The following SLC41A2 variants were observed in gnomAD, a reference collection of about 807,000 sequenced individuals.
SLC41A2 encodes solute carrier family 41 member 2.
A neutral mutation model predicts 58.3 loss-of-function variants in SLC41A2; 32 were observed. The observed-to-expected ratio is 0.55, with a 90% CI of 0.41 to 0.74. The LOEUF is 0.74. Among genes scored for constraint, SLC41A2 ranks in the 30% least tolerant of loss-of-function variants. The pLI is 0.00. For missense variants in SLC41A2, 514 were observed against 680.6 expected, an observed-to-expected ratio of 0.76 and a Z score of 2.72; for synonymous variants, 190 against 235.0, an observed-to-expected ratio of 0.81 and a Z score of 1.75.
chr12:104,944,699 T>C (rs2047642807), intron 1 of SLC41A2, among the ~76,000 whole-genome samples: 1 of 152,130 alleles, frequency 6.6e-6, no homozygotes, highest in South Asian at 2.1e-4. Context: ...AAAACTATTC[T>C]CAAAACCACC....
intron 6 of SLC41A2, among the ~76,000 whole-genome samples, chr12:104,882,494 G>T (rs2044430144): frequency 6.6e-6 from 1 of 152,116 alleles, no homozygotes; most frequent in African/African-American, 2.4e-5. Flanking sequence ...TCCTTCAGGA[G>T]CTCTTTTAGG....
intron 2 of SLC41A2, among the ~76,000 whole-genome samples, chr12:104,910,876 A>C (rs1005869218): frequency 2.0e-5 from 3 of 152,208 alleles, no homozygotes; most frequent in Admixed American, 2.0e-4. Flanking sequence ...ATTCTGTAGC[A>C]AAACTTTTTC....
Position 104,861,381 on chromosome 12 carries a change from T to C in SLC41A2, c.1176-11A>G, listed in dbSNP as rs751029603. ...ATAAGGCCCCCAATGCTGAAAGAGA[T>C]AAAATTATATAATTTAGAGAAGAGG... is the stretch of plus-strand genomic sequence containing the variant. On this transcript the variant is annotated splice_polypyrimidine_tract_variant and intron_variant, in intron 7 of 10. Coordinates refer to ENST00000258538, the MANE Select transcript of SLC41A2 (RefSeq NM_001352171.3). 1.3e-6 allele frequency: 2 copies of C among 1,590,768 alleles called. No homozygotes were observed. The highest frequency in any genetic ancestry group is 1.7e-6 in the Non-Finnish European group (2 of 1,160,134).
intron 6 of SLC41A2, among the ~76,000 whole-genome samples, chr12:104,878,257 G>C (rs1467585822): frequency 6.8e-6 from 1 of 147,294 alleles, no homozygotes; most frequent in Non-Finnish European, 1.5e-5. Context: ...ATGACTTAAT[G>C]GTAATTTAAA....
chr12:104,862,854 T>C (rs1478888206), intron 7 of SLC41A2, among the ~76,000 whole-genome samples: 5 of 152,266 alleles, frequency 3.3e-5, no homozygotes, highest in African/African-American at 1.2e-4. Context: ...TTGAGCTAAT[T>C]AACTTATGCA....
At chr12:104,861,835 G>C (rs1280540755) in intron 7 of SLC41A2, among the ~76,000 whole-genome samples, 1 of 152,048 alleles carries the variant, frequency 6.6e-6, no homozygotes, top group East Asian at 1.9e-4. Context: ...GCATAAAAGA[G>C]GTTATTTTTA....
chr12:104,940,934 C>CAAA (rs386377636), intron 1 of SLC41A2, among the ~76,000 whole-genome samples: 13 of 95,452 alleles, frequency 1.4e-4, no homozygotes, highest in Admixed American at 3.5e-4. Context: ...GACTCTGCCT[C>CAAA]AAAAAAAAAA....
chr12:104,918,846 A>G (rs1479519646), intron 2 of SLC41A2, among the ~76,000 whole-genome samples: 1 of 152,120 alleles, frequency 6.6e-6, no homozygotes, highest in East Asian at 1.9e-4. Context: ...ATACAGAGAG[A>G]TCCCATGTAA....
At chr12:104,816,810 C>T (rs532785054) in intron 10 of SLC41A2, among the ~76,000 whole-genome samples, 2 of 152,150 alleles carry the variant, frequency 1.3e-5, no homozygotes, top group Non-Finnish European at 2.9e-5. Context: ...AAATTGAGGA[C>T]AGTTGTCCCT....
chr12:104,859,472 GTGT>G (rs1461091704), intron 8 of SLC41A2, among the ~76,000 whole-genome samples: 80 of 152,246 alleles, frequency 5.3e-4, no homozygotes, highest in Non-Finnish European at 9.4e-4. Context: ...CAAGTGAACT[GTGT>G]TAAAGGGCAA....
At chr12:104,954,651 T>G (rs1191744580) in intron 1 of SLC41A2, among the ~76,000 whole-genome samples, 2 of 152,250 alleles carry the variant, frequency 1.3e-5, no homozygotes, top group Admixed American at 6.5e-5. Context: ...AAAACACATT[T>G]TGGGTTATAA....
chr12:104,864,046 C>T (rs1014228974), intron 7 of SLC41A2, among the ~76,000 whole-genome samples: 17 of 151,770 alleles, frequency 1.1e-4, no homozygotes, highest in Admixed American at 1.1e-3. Flanking sequence ...TGATGTACAG[C>T]TGTCATCCTG....
intron 2 of SLC41A2, among the ~76,000 whole-genome samples, chr12:104,917,371 T>C (rs2046373980): frequency 6.6e-6 from 1 of 152,202 alleles, no homozygotes; most frequent in Non-Finnish European, 1.5e-5. Context: ...TTTTACACTG[T>C]TGGTGGGACT....
At chr12:104,863,656 G>A (rs1351372175) in intron 7 of SLC41A2, among the ~76,000 whole-genome samples, 1 of 151,966 alleles carries the variant, frequency 6.6e-6, no homozygotes. Flanking sequence ...GGCAGATGAG[G>A]ATTTGACCTC....
intron 10 of SLC41A2, among the ~76,000 whole-genome samples, chr12:104,826,198 A>C (rs1407796403): frequency 6.6e-6 from 1 of 152,076 alleles, no homozygotes; most frequent in African/African-American, 2.4e-5. Flanking sequence ...GACTGCTTTG[A>C]CCCTCATAAT....
intron 2 of SLC41A2, among the ~76,000 whole-genome samples, chr12:104,920,691 G>A (rs578210598): frequency 3.2e-4 from 48 of 152,120 alleles, no homozygotes; most frequent in Middle Eastern, 3.4e-3. Flanking sequence ...TTGGGAGGCC[G>A]AGGCAGGCGG....
At chr12:104,827,730 A>G (rs1464652121) in intron 10 of SLC41A2, among the ~76,000 whole-genome samples, 1 of 152,132 alleles carries the variant, frequency 6.6e-6, no homozygotes, top group Non-Finnish European at 1.5e-5. Flanking sequence ...TGCTAGGAAC[A>G]CTTAGATAGA....
Position 104,843,604 on chromosome 12 carries a change from A to C in SLC41A2, c.1536+868T>G, listed in dbSNP as rs1327795492. Among the ~76,000 whole-genome samples, 4 of 152,132 alleles carry C rather than the reference A, an allele frequency of 2.6e-5. No individual in the cohort carries two copies. In the East Asian group the frequency reaches 5.8e-4, roughly 22 times the overall value. On this transcript the variant is annotated intron_variant, in intron 10 of 10. Coordinates refer to ENST00000258538, the MANE Select transcript of SLC41A2 (RefSeq NM_001352171.3). ...AGTAATCTCCAAAAAGCTTTAGATT[A>C]TGCAGCTCTCTCAGTATAAAATATT...
intron 3 of SLC41A2, among the ~76,000 whole-genome samples, chr12:104,900,585 A>C (rs1367397277): frequency 6.6e-6 from 1 of 152,210 alleles, no homozygotes; most frequent in South Asian, 2.1e-4. Flanking sequence ...TGACTATAAC[A>C]GTTTTCGATT....
Sources: gnomAD v4.1 joint callset for allele counts (sites outside exome capture counted in the v4.1 genomes callset) on GRCh38, gnomAD v4.1.1 for gene constraint, MANE v1.5 for transcripts, NCBI Gene and HGNC (gene_info 2026-07-23, HGNC 2026-07-21) for gene names.